The following DLG2 variants were observed in gnomAD, a reference collection of about 807,000 sequenced individuals.
DLG2 encodes discs large MAGUK scaffold protein 2.
In DLG2, 45 loss-of-function variants were observed where a neutral mutation model predicts 132.5. The ratio of observed to expected loss-of-function variants is 0.34; its 90% CI spans 0.27 to 0.44. The LOEUF (loss-of-function observed/expected upper bound fraction) is 0.44, where lower values mean the gene tolerates loss of function less well. Among genes scored for constraint, DLG2 ranks in the 20% least tolerant of loss-of-function variants. The pLI is 1.00. For synonymous variants in DLG2, 424 were observed against 419.6 expected (o/e 1.01, Z -0.13); for missense variants, 1,045 against 1,196.9 (o/e 0.87, Z 1.87).
chr11:84,998,884 C>T (rs955169268), intron 6 of DLG2, among the ~76,000 whole-genome samples: 6 of 151,868 alleles, frequency 4.0e-5, no homozygotes, highest in Admixed American at 3.9e-4. Context: ...TAAAAGTAGC[C>T]CTGCTTCGCC....
chr11:84,375,742 C>T (rs961731167), intron 7 of DLG2, among the ~76,000 whole-genome samples: 9 of 151,812 alleles, frequency 5.9e-5, no homozygotes, highest in African/African-American at 2.2e-4. Flanking sequence ...ATCCTTGCTA[C>T]CTAAAACAAC....
chr11:83,682,515 C>T, intron 18 of DLG2: 1 of 897,194 alleles, frequency 1.1e-6, no homozygotes, highest in South Asian at 5.1e-5. Flanking sequence ...TAGTGTACCC[C>T]CATCCTCTGC....
chr11:83,672,828 C>T (rs1158205321), intron 18 of DLG2, among the ~76,000 whole-genome samples: 2 of 152,026 alleles, frequency 1.3e-5, no homozygotes, highest in East Asian at 1.9e-4. Context: ...TTTGGGAGGC[C>T]GAGGCGGGTG....
chr11:84,488,603 C>T (rs2154495260), intron 7 of DLG2, among the ~76,000 whole-genome samples: 1 of 152,244 alleles, frequency 6.6e-6, no homozygotes, highest in East Asian at 1.9e-4. Context: ...GTTAAGGACA[C>T]TTGCAAGACA....
intron 7 of DLG2, among the ~76,000 whole-genome samples, chr11:84,293,741 G>A (rs184803713): frequency 2.8e-4 from 42 of 152,218 alleles, no homozygotes; most frequent in African/African-American, 9.9e-4. Context: ...TTCATATAAT[G>A]AGAGTTCCAA....
intron 6 of DLG2, among the ~76,000 whole-genome samples, chr11:84,592,348 A>G (rs190087740): frequency 6.6e-6 from 1 of 152,318 alleles, no homozygotes; most frequent in African/African-American, 2.4e-5. Flanking sequence ...CAAGTGTTAG[A>G]CCAGTAGTAT....
intron 18 of DLG2, among the ~76,000 whole-genome samples, chr11:83,706,736 C>T (rs71465553): frequency 0.04 from 6,017 of 152,316 alleles, 172 homozygotes; most frequent in Middle Eastern, 0.092. Flanking sequence ...CTCCCTTGCA[C>T]GTCCAGTTTT....
chr11:84,107,158 G>T (rs1459279242), intron 9 of DLG2, among the ~76,000 whole-genome samples: 1 of 152,076 alleles, frequency 6.6e-6, no homozygotes, highest in South Asian at 2.1e-4. Flanking sequence ...AAGGGAGATT[G>T]AAGGTACAGG....
chr11:84,306,702 G>T (rs139201252), intron 7 of DLG2, among the ~76,000 whole-genome samples: 1,751 of 152,294 alleles, frequency 0.011, 28 homozygotes, highest in African/African-American at 0.031. Flanking sequence ...AGACCACTCT[G>T]CACAGGGTGT....
intron 15 of DLG2, among the ~76,000 whole-genome samples, chr11:83,891,582 T>C (rs1001805717): frequency 6.6e-6 from 1 of 152,144 alleles, no homozygotes; most frequent in Non-Finnish European, 1.5e-5. Context: ...CAAGGATATG[T>C]GGAGAGAAAG....
intron 15 of DLG2, among the ~76,000 whole-genome samples, chr11:83,884,731 T>C (rs1409409124): frequency 6.6e-6 from 1 of 152,178 alleles, no homozygotes; most frequent in Non-Finnish European, 1.5e-5. Flanking sequence ...CACAGCCAGA[T>C]ACTCCTCTGA....
At chr11:84,119,231 C>T (rs973308618) in intron 9 of DLG2, among the ~76,000 whole-genome samples, 19 of 151,966 alleles carry the variant, frequency 1.3e-4, no homozygotes, top group African/African-American at 4.6e-4. Flanking sequence ...AAGCACAACA[C>T]AGCATTTTAG....
chr11:85,139,704 C>T (rs796190792), intron 5 of DLG2, among the ~76,000 whole-genome samples: 12 of 152,094 alleles, frequency 7.9e-5, no homozygotes, highest in African/African-American at 2.9e-4. Flanking sequence ...ACCTACAGTC[C>T]TCATGGTGTA....
intron 6 of DLG2, among the ~76,000 whole-genome samples, chr11:85,065,339 T>A (rs930571276): frequency 4.0e-5 from 6 of 150,940 alleles, no homozygotes; most frequent in Non-Finnish European, 8.9e-5. Flanking sequence ...TCCTTTTTTT[T>A]AAAACCCCTT....
At chr11:84,850,958 T>G (rs1381274664) in intron 6 of DLG2, among the ~76,000 whole-genome samples, 1 of 152,142 alleles carries the variant, frequency 6.6e-6, no homozygotes, top group Non-Finnish European at 1.5e-5. Context: ...AAGATAACAG[T>G]GCTCTTCAAA....
intron 15 of DLG2, among the ~76,000 whole-genome samples, chr11:83,883,491 CTG>C (rs1231503303): frequency 1.3e-5 from 2 of 152,128 alleles, no homozygotes; most frequent in Non-Finnish European, 2.9e-5. Flanking sequence ...CCACTCATCA[CTG>C]TTAGGTAGCT....
intron 10 of DLG2, among the ~76,000 whole-genome samples, chr11:84,077,042 A>T (rs1337501723): frequency 6.6e-6 from 1 of 152,130 alleles, no homozygotes; most frequent in South Asian, 2.1e-4. Context: ...ATCTCTCTAT[A>T]TTCTGCATCT....
At chr11:85,187,518 A>C (rs959829254) in intron 4 of DLG2, among the ~76,000 whole-genome samples, 2 of 152,142 alleles carry the variant, frequency 1.3e-5, no homozygotes, top group African/African-American at 4.8e-5. Flanking sequence ...AAGGAAGTAT[A>C]AAAACTAGAC....
chr11:85,176,898 C>T (rs1269025564), intron 4 of DLG2, among the ~76,000 whole-genome samples: 4 of 152,014 alleles, frequency 2.6e-5, no homozygotes, highest in African/African-American at 4.8e-5. Flanking sequence ...AGAATCAAAA[C>T]CACAATGATA....
Sources: gnomAD v4.1 joint callset for allele counts (sites outside exome capture counted in the v4.1 genomes callset) on GRCh38, gnomAD v4.1.1 for gene constraint, MANE v1.5 for transcripts, NCBI Gene and HGNC (gene_info 2026-07-23, HGNC 2026-07-21) for gene names.